The following MRPS28 variants were observed in gnomAD, a reference collection of about 807,000 sequenced individuals.
The protein encoded by MRPS28 is small ribosomal subunit protein bS1m.
MRPS28 carries 7 observed loss-of-function variants against 10.8 expected under a neutral mutation model. The ratio of observed to expected loss-of-function variants is 0.65; its 90% CI spans 0.37 to 1.22. The LOEUF is 1.22. Ranked by LOEUF, MRPS28 falls within the 50% of genes most tolerant of loss-of-function variation. The pLI is 0.02. For missense variants in MRPS28, 265 were observed against 232.9 expected, an observed-to-expected ratio of 1.14 and a Z score of -0.90; for synonymous variants, 121 against 93.3, an observed-to-expected ratio of 1.30 and a Z score of -1.71.
intron 2 of MRPS28, among the ~76,000 whole-genome samples, chr8:79,963,261 T>C (rs1053023645): frequency 2.3e-4 from 35 of 152,254 alleles, no homozygotes; most frequent in South Asian, 4.1e-4. Context: ...TTTTAAAGTA[T>C]CCATCTTGTT....
chr8:80,016,124 CAAT>C (rs1809187996), intron 1 of MRPS28, among the ~76,000 whole-genome samples: 1 of 152,078 alleles, frequency 6.6e-6, no homozygotes, highest in Admixed American at 6.5e-5. Context: ...ATATTTGAAA[CAAT>C]AATGACTAAG....
At chr8:80,026,687 T>C (rs185956555) in intron 1 of MRPS28, among the ~76,000 whole-genome samples, 1 of 152,312 alleles carries the variant, frequency 6.6e-6, no homozygotes, top group East Asian at 1.9e-4. Context: ...GTGTCATGTG[T>C]TACTCTGGCA....
chr8:80,003,005 T>A lies in MRPS28; in HGVS notation c.389A>T (p.Asp130Val), dbSNP rs1274803056. 1 of 1,577,480 alleles carries A rather than the reference T, an allele frequency of 6.3e-7. No homozygotes were observed. The highest frequency in any genetic ancestry group is 8.6e-7 in the Non-Finnish European group (1 of 1,166,172). Residue 130 changes from aspartate to valine, a missense_variant, in exon 2 of 3, where the codon GAT (aspartate) becomes GTT (valine). Coordinates refer to ENST00000276585, the MANE Select transcript of MRPS28 (RefSeq NM_014018.3). ...TGGAAATGATTTTACTTACTCTCCA[T>A]CCACTTCTGGTCTTCTACATACACA... is the stretch of plus-strand genomic sequence containing the variant. ...FHCVCRRPEVDGEKYQKGTRV... is the reference protein window; with the variant it reads ...FHCVCRRPEVVGEKYQKGTRV...
intron 1 of MRPS28, among the ~76,000 whole-genome samples, chr8:80,008,554 A>G (rs1324575231): frequency 6.6e-6 from 1 of 152,250 alleles, no homozygotes; most frequent in Non-Finnish European, 1.5e-5. Flanking sequence ...CAGAATCTAC[A>G]AAGAACTCAA....
rs1808704966 is a variant in MRPS28 at position 80,003,025 on chromosome 8, T to A, written c.369A>T (p.Val123=). 2 of 1,601,076 alleles carry A rather than the reference T, an allele frequency of 1.2e-6. No individual in the cohort carries two copies. The highest frequency in any genetic ancestry group is 2.3e-5 in the South Asian group (2 of 87,744). The change falls in exon 2 of 3, where the codon GTA becomes GTT. Residue 123 remains valine, a synonymous_variant. Coordinates refer to ENST00000276585, the MANE Select transcript of MRPS28 (RefSeq NM_014018.3). The part of the protein sequence containing the change: ...YIDFGGKFHC[V]CRRPEVDGEK... ...CTCCATCCACTTCTGGTCTTCTACA[T>A]ACACAATGAAACTTTCCACCAAAAT...
At chr8:79,957,697 G>A (rs758887240) in intron 2 of MRPS28, 2 of 152,060 alleles carry the variant, frequency 1.3e-5, no homozygotes, top group Non-Finnish European at 1.5e-5. Flanking sequence ...TTACAGCCTG[G>A]GAGACAAAGT....
intron 2 of MRPS28, among the ~76,000 whole-genome samples, chr8:79,929,441 G>A (rs1473528621): frequency 6.6e-6 from 1 of 152,096 alleles, no homozygotes; most frequent in African/African-American, 2.4e-5. Flanking sequence ...CTATCAAGAA[G>A]AGGACGCTGA....
intron 2 of MRPS28, among the ~76,000 whole-genome samples, chr8:79,947,514 A>G (rs893001507): frequency 9.9e-5 from 15 of 151,962 alleles, no homozygotes; most frequent in African/African-American, 2.4e-4. Flanking sequence ...CATCTTAACA[A>G]TATTGATTCC....
chr8:80,003,140 C>T lies in MRPS28; in HGVS notation c.254G>A (p.Arg85Lys), dbSNP rs754049255. The change falls in exon 2 of 3, where the codon AGA becomes AAA. Residue 85 changes from arginine (R) to lysine (K), a missense_variant. Physicochemically the swap from Arg to Lys is conservative, Grantham distance 26 (BLOSUM62 2). Transcript: ENST00000276585. ...KNVESFASMLRHSPLTQMGPA... is the reference protein window; with the variant it reads ...KNVESFASMLKHSPLTQMGPA... ...TCCCATCTGTGTAAGAGGAGAATGT[C>T]TCAGCATAGATGCAAAGGATTCCAC... 5 of 1,605,566 alleles carry T rather than the reference C, an allele frequency of 3.1e-6. No individual in the cohort carries two copies. Among genetic ancestry groups the T allele is most frequent in the Non-Finnish European group, 4.2e-6 (5 of 1,177,898 alleles).
intron 2 of MRPS28, among the ~76,000 whole-genome samples, chr8:79,975,739 A>C (rs1051155612): frequency 1.3e-5 from 2 of 152,180 alleles, no homozygotes; most frequent in Admixed American, 6.5e-5. Flanking sequence ...TGTTGGAGAG[A>C]GACAGTTACT....
At chr8:79,950,557 T>TAC (rs749360327) in intron 2 of MRPS28, among the ~76,000 whole-genome samples, 56 of 151,928 alleles carry the variant, frequency 3.7e-4, no homozygotes, top group Non-Finnish European at 5.6e-4. Context: ...CACACACATA[T>TAC]ACACACACAC....
At chr8:79,988,555 G>C (rs973074641) in intron 2 of MRPS28, among the ~76,000 whole-genome samples, 6 of 151,660 alleles carry the variant, frequency 4.0e-5, no homozygotes, top group Admixed American at 2.6e-4. Flanking sequence ...TTCAAGTATA[G>C]GACAATGTTG....
At chr8:79,996,465 TG>T in intron 2 of MRPS28, among the ~76,000 whole-genome samples, 1 of 152,222 alleles carries the variant, frequency 6.6e-6, no homozygotes, top group Admixed American at 6.5e-5. Flanking sequence ...TTCTAGAGGC[TG>T]GAAGTCCAGG....
chr8:79,943,806 G>A (rs1037977709), intron 2 of MRPS28, among the ~76,000 whole-genome samples: 2 of 152,008 alleles, frequency 1.3e-5, no homozygotes, highest in Non-Finnish European at 2.9e-5. Flanking sequence ...TCTCTTTTAG[G>A]AAATGTTTTT....
At chr8:79,991,951 TCTCTCTCTC>T in intron 2 of MRPS28, among the ~76,000 whole-genome samples, 1 of 94,910 alleles carries the variant, frequency 1.1e-5, no homozygotes, top group Middle Eastern at 6.8e-3. Flanking sequence ...TCTCTCTCTC[TCTCTCTCTC>T]ATCACTTACT....
intron 2 of MRPS28, among the ~76,000 whole-genome samples, chr8:79,932,973 T>TA (rs1806504479): frequency 6.6e-6 from 1 of 152,230 alleles, no homozygotes; most frequent in South Asian, 2.1e-4. Context: ...TCTGGGTGGG[T>TA]AAACTGACTT....
At chr8:79,998,698 A>G (rs529010011) in intron 2 of MRPS28, among the ~76,000 whole-genome samples, 61 of 152,224 alleles carry the variant, frequency 4.0e-4, no homozygotes, top group East Asian at 1.9e-4. Flanking sequence ...CCAATAAGCA[A>G]TATCTTATGC....
intron 1 of MRPS28, among the ~76,000 whole-genome samples, chr8:80,020,924 A>G (rs572955298): frequency 2.6e-5 from 4 of 152,324 alleles, no homozygotes; most frequent in African/African-American, 9.6e-5. Context: ...CTTCACCTTC[A>G]AAATGTTTTT....
At chr8:79,984,089 T>C (rs2130090541) in intron 2 of MRPS28, among the ~76,000 whole-genome samples, 1 of 152,144 alleles carries the variant, frequency 6.6e-6, no homozygotes, top group South Asian at 2.1e-4. Context: ...GCAGAAACTA[T>C]ACAAGCCAGA....
Sources: gnomAD v4.1 joint callset for allele counts (sites outside exome capture counted in the v4.1 genomes callset) on GRCh38, gnomAD v4.1.1 for gene constraint, MANE v1.5 for transcripts, NCBI Gene and HGNC (gene_info 2026-07-23, HGNC 2026-07-21) for gene names.